Variants in GNS observed in about 807,000 individuals in gnomAD.
GNS encodes N-acetylglucosamine-6-sulfatase.
A neutral mutation model predicts 69.7 loss-of-function variants in GNS; 40 were observed. The ratio of observed to expected loss-of-function variants is 0.57; its 90% CI spans 0.45 to 0.75. The LOEUF is 0.75. Ranked by LOEUF, GNS falls within the 30% of genes least tolerant of loss-of-function variation. The pLI is 0.00. For synonymous variants in GNS, 243 were observed against 251.6 expected, an observed-to-expected ratio of 0.97 and a Z score of 0.32; for missense variants, 565 against 685.5, an observed-to-expected ratio of 0.82 and a Z score of 1.96.
rs1417176156 is a variant in GNS, at chr12:64,723,087, T to A, written c.1227A>T (p.Arg409=). The change falls in exon 11 of 14, where the codon CGA becomes CGT. Residue 409 remains arginine (R), a synonymous_variant. Transcript: ENST00000258145. ...ILRGASNLTW[R]SDVLVEYQGE... Reference sequence around the variant, plus strand: ...CTTGGTATTCCACCAGGACATCTGATCGCCAGGTCAAGTTACTGGCACCTC... The same window carrying A: ...CTTGGTATTCCACCAGGACATCTGAACGCCAGGTCAAGTTACTGGCACCTC... 2.5e-6 allele frequency: 4 copies of A among 1,611,426 alleles called. No individual in the cohort carries two copies. The Admixed American group carries it at 6.7e-5, about 27-fold the overall frequency.
intron 12 of GNS, among the ~76,000 whole-genome samples, chr12:64,720,798 C>A (rs1869001771): frequency 6.6e-6 from 1 of 152,174 alleles, no homozygotes; most frequent in Non-Finnish European, 1.5e-5. Context: ...AAATTGGAGT[C>A]AAATGTGAGG....
intron 10 of GNS, among the ~76,000 whole-genome samples, chr12:64,724,442 C>T (rs2136238489): frequency 6.6e-6 from 1 of 152,328 alleles, no homozygotes; most frequent in East Asian, 1.9e-4. Context: ...TTGAATGCCG[C>T]AGCCACCTGA....
At chr12:64,718,498 T>G (rs1868931267) in intron 13 of GNS, among the ~76,000 whole-genome samples, 1 of 152,222 alleles carries the variant, frequency 6.6e-6, no homozygotes. Flanking sequence ...CATTTGAAAT[T>G]TACCTGTTTG....
intron 1 of GNS, among the ~76,000 whole-genome samples, chr12:64,755,795 C>G (rs1243328003): frequency 6.6e-6 from 1 of 150,730 alleles, no homozygotes; most frequent in Non-Finnish European, 1.5e-5. Flanking sequence ...TCTCCCACCT[C>G]AGCCTCCCGA....
chr12:64,738,258 C>G (rs1869614506), intron 8 of GNS, among the ~76,000 whole-genome samples: 3 of 152,270 alleles, frequency 2.0e-5, no homozygotes, highest in Admixed American at 2.0e-4. Context: ...GATCCACCTG[C>G]CTTGGCCTCC....
In GNS at chr12:64,747,874, C is replaced by T. The variant is rs1565627083; in HGVS notation, c.297G>A (p.Leu99=). ...GATGATTATGTGGGTACTTTCCTGT[C>T]AGGATACTGGCTCTGCTGGGGCAGC... ...ALCCPSRASI[L]TGKYPHNHHV... Residue 99 remains leucine, a synonymous_variant, in exon 3 of 14, where the codon CTG becomes CTA. Transcript: ENST00000258145. 2.5e-6 allele frequency: 4 copies of T among 1,611,922 alleles called. No individual in the cohort carries two copies. Among genetic ancestry groups the T allele is most frequent in the Non-Finnish European group, 3.4e-6 (4 of 1,178,026 alleles).
intron 13 of GNS, 135 bp from the exon 14 acceptor site, chr12:64,716,954 G>T: frequency 4.2e-6 from 3 of 709,148 alleles, no homozygotes; most frequent in Non-Finnish European, 7.8e-6. Flanking sequence ...AAAGTCTATG[G>T]TACAAAACAT....
intron 11 of GNS, 66 bp downstream of exon 11, chr12:64,722,940 G>T: frequency 2.1e-6 from 2 of 947,698 alleles, no homozygotes; most frequent in South Asian, 2.6e-5. Flanking sequence ...TTTGACACAT[G>T]GCAACCAGCA....
At chr12:64,719,518 C>T (rs371919506) in intron 13 of GNS, among the ~76,000 whole-genome samples, 17 of 152,264 alleles carry the variant, frequency 1.1e-4, no homozygotes, top group African/African-American at 3.6e-4. Context: ...ACCTCCATAT[C>T]GTGCAATGGG....
At chr12:64,750,704 A>G (rs12815624) in intron 2 of GNS, among the ~76,000 whole-genome samples, 10,438 of 151,622 alleles carry the variant, frequency 0.069, 1,232 homozygotes, top group African/African-American at 0.24. Context: ...GGAGTTTGAG[A>G]CCAGCCTGAG....
At chr12:64,718,517 G>A (rs1050612443) in intron 13 of GNS, among the ~76,000 whole-genome samples, 62 of 152,330 alleles carry the variant, frequency 4.1e-4, no homozygotes, top group Admixed American at 4.6e-4. Flanking sequence ...TGGGCTCTAA[G>A]GGCTGTGTGG....
chr12:64,752,041 C>T (rs1435260508), intron 2 of GNS, among the ~76,000 whole-genome samples: 1 of 151,366 alleles, frequency 6.6e-6, no homozygotes, highest in Admixed American at 6.6e-5. Flanking sequence ...AACCTCACAA[C>T]AACTCTGAAG....
intron 8 of GNS, 37 bp from the exon 9 acceptor site, chr12:64,737,144 G>T: frequency 9.6e-7 from 1 of 1,044,276 alleles, no homozygotes; most frequent in Non-Finnish European, 1.5e-6. Flanking sequence ...ATGGAGCCAA[G>T]ACAGGAGCCT....
intron 9 of GNS, among the ~76,000 whole-genome samples, chr12:64,730,158 C>T (rs974765460): frequency 3.9e-5 from 6 of 152,128 alleles, no homozygotes; most frequent in African/African-American, 1.2e-4. Flanking sequence ...GTTTACTGTG[C>T]CAGGCATTTG....
chr12:64,727,553 T>C (rs1321505966), intron 10 of GNS, among the ~76,000 whole-genome samples: 1 of 152,226 alleles, frequency 6.6e-6, no homozygotes, highest in African/African-American at 2.4e-5. Flanking sequence ...AGAATGTTAT[T>C]CGGCAGTAAA....
At chr12:64,731,466 C>T (rs1369891457) in intron 9 of GNS, among the ~76,000 whole-genome samples, 3 of 152,140 alleles carry the variant, frequency 2.0e-5, no homozygotes, top group Admixed American at 6.5e-5. Flanking sequence ...GCACAAGTAC[C>T]GTAAGCACAA....
intron 9 of GNS, among the ~76,000 whole-genome samples, chr12:64,729,831 G>GTA (rs1565882677): frequency 6.6e-6 from 1 of 152,042 alleles, no homozygotes; most frequent in African/African-American, 2.4e-5. Context: ...ATAAAAACAG[G>GTA]TAAAACTGTA....
chr12:64,757,386 T>C (rs367615854), intron 1 of GNS, among the ~76,000 whole-genome samples: 85 of 152,354 alleles, frequency 5.6e-4, no homozygotes, highest in African/African-American at 2.0e-3. Flanking sequence ...GGCTTGCTTT[T>C]TCTGGACAAA....
At position 64,741,068 on chromosome 12, in the gene GNS, G is replaced by GT. The variant is rs1592502875; in HGVS notation, c.793-381dup. ...CAATTAGAAAATGGGCAAATAGGGCGTAGTGGCGGGCGCCTGTAGTCCCAG... is the reference window on the plus strand; with the variant it reads ...CAATTAGAAAATGGGCAAATAGGGCGTTAGTGGCGGGCGCCTGTAGTCCCAG... On this transcript the variant is annotated intron_variant, in intron 6 of 13. Coordinates refer to ENST00000258145, the MANE Select transcript of GNS (RefSeq NM_002076.4). 1.6e-4 allele frequency among the ~76,000 whole-genome samples: 23 copies of GT among 139,506 alleles called. No individual in the cohort carries two copies. In the East Asian group the frequency reaches 4.9e-3, roughly 30 times the overall value. The allele number at this position is 139,506 out of a possible 152,430, so 91.5% of individuals were successfully genotyped here.
Sources: gnomAD v4.1 joint callset for allele counts (sites outside exome capture counted in the v4.1 genomes callset) on GRCh38, gnomAD v4.1.1 for gene constraint, MANE v1.5 for transcripts, NCBI Gene and HGNC (gene_info 2026-07-23, HGNC 2026-07-21) for gene names.